MEI4: variants seen among roughly 807,000 people sequenced by gnomAD.
MEI4 encodes the protein meiotic double-stranded break formation protein 4, also known as meiosis-specific protein MEI4.
In MEI4, 27 loss-of-function variants were observed where a neutral mutation model predicts 31.4. That is an observed-to-expected ratio of 0.86 (90% confidence interval 0.63 to 1.19). The LOEUF (loss-of-function observed/expected upper bound fraction) is 1.19. Ranked by LOEUF, MEI4 falls within the 50% of genes most tolerant of loss-of-function variation. The pLI, the probability that MEI4 is intolerant of heterozygous loss-of-function variation, is 0.00. For synonymous variants in MEI4, 122 were observed against 145.4 expected (o/e 0.84, Z 1.16); for missense variants, 329 against 398.9 (o/e 0.82, Z 1.49).
At position 77,761,428 on chromosome 6, in the gene MEI4, A is replaced by G; in HGVS notation, c.531A>G (p.Glu177=). The change falls in exon 3 of 5, where the codon GAA becomes GAG. Residue 177 remains glutamate (E), a synonymous_variant. Coordinates refer to ENST00000684080, the MANE Select transcript of MEI4 (RefSeq NM_001322247.2). ...GNLKRDLTHF[E]KDSSTVSDSV... ...TTAAAAGAGACTTAACCCACTTTGA[A>G]AAAGACTCTTCCACAGTCTCTGATT... is the stretch of plus-strand genomic sequence containing the variant. The G allele has an allele frequency of 2.4e-6, 3 of 1,232,148 alleles. No homozygotes were observed. Among genetic ancestry groups the G allele is most frequent in the Non-Finnish European group, 3.0e-6 (3 of 987,920 alleles). The allele number at this position is 1,232,148 out of a possible 1,614,324, so 76.3% of individuals were successfully genotyped here.
At chr6:77,805,874 T>C (rs1426764411) in intron 3 of MEI4, among the ~76,000 whole-genome samples, 1 of 152,088 alleles carries the variant, frequency 6.6e-6, no homozygotes, top group Non-Finnish European at 1.5e-5. Flanking sequence ...ACAACAAAAT[T>C]TGTTAAGCAT....
chr6:77,864,528 T>C (rs1409715420), intron 4 of MEI4, among the ~76,000 whole-genome samples: 1 of 152,198 alleles, frequency 6.6e-6, no homozygotes, highest in African/African-American at 2.4e-5. Flanking sequence ...CAAGAAGAGC[T>C]AACTCTTCTA....
intron 2 of MEI4, among the ~76,000 whole-genome samples, chr6:77,743,942 G>C (rs1375195417): frequency 6.6e-6 from 1 of 152,068 alleles, no homozygotes; most frequent in Non-Finnish European, 1.5e-5. Flanking sequence ...TAAACAGAAA[G>C]GACATCCACA....
intron 4 of MEI4, among the ~76,000 whole-genome samples, chr6:77,856,053 A>G (rs1467448801): frequency 2.0e-5 from 3 of 152,132 alleles, no homozygotes; most frequent in African/African-American, 7.2e-5. Context: ...TGCCCTGGAA[A>G]TCAGTTCGAC....
At chr6:77,886,397 C>T (rs1418883101) in intron 4 of MEI4, among the ~76,000 whole-genome samples, 1 of 151,244 alleles carries the variant, frequency 6.6e-6, no homozygotes, top group Non-Finnish European at 1.5e-5. Flanking sequence ...TTGTACGTGT[C>T]CAAGAATTGA....
chr6:77,767,005 C>G (rs1476056641), intron 3 of MEI4, among the ~76,000 whole-genome samples: 1 of 152,074 alleles, frequency 6.6e-6, no homozygotes, highest in African/African-American at 2.4e-5. Context: ...CTTAACCACT[C>G]TGCTTTGAGA....
chr6:77,920,725 C>G (rs1046412707), intron 4 of MEI4, among the ~76,000 whole-genome samples: 10 of 151,840 alleles, frequency 6.6e-5, no homozygotes, highest in Non-Finnish European at 1.2e-4. Flanking sequence ...GAGCCATGGG[C>G]TGCAAAATAG....
At chr6:77,795,458 G>A (rs763784312) in intron 3 of MEI4, among the ~76,000 whole-genome samples, 4 of 151,608 alleles carry the variant, frequency 2.6e-5, no homozygotes, top group African/African-American at 7.3e-5. Context: ...ACACACACAC[G>A]TACACACACG....
intron 2 of MEI4, among the ~76,000 whole-genome samples, chr6:77,737,502 C>G (rs1188181322): frequency 6.6e-6 from 1 of 152,060 alleles, no homozygotes; most frequent in Non-Finnish European, 1.5e-5. Context: ...AGGGCATGGA[C>G]AGAATATGCC....
At chr6:77,855,528 G>A (rs1408666013) in intron 4 of MEI4, among the ~76,000 whole-genome samples, 1 of 152,138 alleles carries the variant, frequency 6.6e-6, no homozygotes, top group African/African-American at 2.4e-5. Context: ...TATTAAAATA[G>A]ACAAAGTAAA....
intron 4 of MEI4, among the ~76,000 whole-genome samples, chr6:77,907,143 T>C (rs1445069854): frequency 7.9e-5 from 12 of 152,190 alleles, no homozygotes; most frequent in African/African-American, 2.7e-4. Context: ...ACTAGCCATT[T>C]TTTTTAAATA....
chr6:77,836,763 G>A (rs1376802008), intron 4 of MEI4, among the ~76,000 whole-genome samples: 1 of 152,052 alleles, frequency 6.6e-6, no homozygotes, highest in African/African-American at 2.4e-5. Context: ...AATTATACAT[G>A]TCTTGATCAT....
intron 1 of MEI4, among the ~76,000 whole-genome samples, chr6:77,682,258 A>C (rs2127649548): frequency 6.6e-6 from 1 of 152,316 alleles, no homozygotes; most frequent in African/African-American, 2.4e-5. Flanking sequence ...GTGTTTAGCC[A>C]GTGTCCTTCA....
At chr6:77,910,542 A>G (rs1238704800) in intron 4 of MEI4, among the ~76,000 whole-genome samples, 1 of 152,204 alleles carries the variant, frequency 6.6e-6, no homozygotes, top group Non-Finnish European at 1.5e-5. Flanking sequence ...CAACTGCTCA[A>G]TGAAATAAAA....
At chr6:77,871,546 C>T (rs1427130448) in intron 4 of MEI4, among the ~76,000 whole-genome samples, 3 of 151,788 alleles carry the variant, frequency 2.0e-5, no homozygotes, top group Admixed American at 6.6e-5. Context: ...AGACTACTAG[C>T]AGGGAGAGAG....
rs144668805 is a variant in MEI4, at chr6:77,895,428, A to G, written c.901-27661A>G. Reference sequence around the variant, plus strand: ...AGCAGATACTCCTTGGTAGCAGCCAAACAGACATTTTTTCCTATACCGACA... The same window carrying G: ...AGCAGATACTCCTTGGTAGCAGCCAGACAGACATTTTTTCCTATACCGACA... On this transcript the variant is annotated intron_variant, in intron 4 of 4. Transcript: ENST00000684080. Among the ~76,000 whole-genome samples, 8 of 152,220 alleles carry G rather than the reference A, an allele frequency of 5.3e-5. No homozygotes were observed. In the East Asian group the frequency reaches 1.4e-3, roughly 26 times the overall value.
At chr6:77,783,798 T>C (rs1768658835) in intron 3 of MEI4, among the ~76,000 whole-genome samples, 1 of 152,136 alleles carries the variant, frequency 6.6e-6, no homozygotes, top group Non-Finnish European at 1.5e-5. Flanking sequence ...TCAACTCAAA[T>C]CAGAACATTT....
chr6:77,790,212 T>G (rs1023023913), intron 3 of MEI4, among the ~76,000 whole-genome samples: 1 of 134,688 alleles, frequency 7.4e-6, no homozygotes, highest in Admixed American at 8.7e-5. Flanking sequence ...CGAGAACACA[T>G]GGACACGGCA....
In MEI4 at chr6:77,815,130, A is replaced by T. The variant is rs373919587; in HGVS notation, c.769-13801A>T. On this transcript the variant is annotated intron_variant, in intron 3 of 4. Coordinates refer to ENST00000684080, the MANE Select transcript of MEI4 (RefSeq NM_001322247.2). ...TCCACCATATCCTCTAACCCCCACAAGAAAGGGTGCCGAGTAGAGTGCACT... is the reference window on the plus strand; with the variant it reads ...TCCACCATATCCTCTAACCCCCACATGAAAGGGTGCCGAGTAGAGTGCACT... Among the ~76,000 whole-genome samples the T allele has an allele frequency of 5.3e-4, 80 of 152,166 alleles. 2 individuals are homozygous for T. Among genetic ancestry groups the T allele is most frequent in the African/African-American group, 1.4e-3 (59 of 41,536 alleles).
Sources: gnomAD v4.1 joint callset for allele counts (sites outside exome capture counted in the v4.1 genomes callset) on GRCh38, gnomAD v4.1.1 for gene constraint, MANE v1.5 for transcripts, NCBI Gene and HGNC (gene_info 2026-07-23, HGNC 2026-07-21) for gene names.